Variants in PLCL2 observed in about 807,000 individuals in gnomAD.
The protein encoded by PLCL2 is inactive phospholipase C-like protein 2.
In PLCL2, 4 loss-of-function variants were observed where a neutral mutation model predicts 79.6. The observed-to-expected ratio is 0.05, with a 90% CI of 0.02 to 0.11. The LOEUF is 0.11. Ranked by LOEUF, PLCL2 falls within the 10% of genes least tolerant of loss-of-function variation. The pLI is 1.00. For synonymous variants in PLCL2, 484 were observed against 457.7 expected (o/e 1.06, Z -0.73); for missense variants, 895 against 1,291.0 (o/e 0.69, Z 4.70).
intron 5 of PLCL2, among the ~76,000 whole-genome samples, chr3:17,070,765 G>A (rs910256454): frequency 1.3e-5 from 2 of 152,166 alleles, no homozygotes; most frequent in African/African-American, 2.4e-5. Flanking sequence ...TTTGCAGTGA[G>A]CTAGGAGAGG....
At chr3:16,912,481 T>C (rs574773766) in intron 1 of PLCL2, among the ~76,000 whole-genome samples, 40 of 152,362 alleles carry the variant, frequency 2.6e-4, no homozygotes, top group African/African-American at 9.4e-4. Flanking sequence ...ATGTGTATAG[T>C]GGTTTTACTT....
Position 17,089,842 on chromosome 3 carries a change from CT to C in PLCL2, c.3315del (p.Asp1106MetfsTer34). 6.2e-7 allele frequency: 1 copy of C among 1,614,026 alleles called. No homozygotes were observed. The highest frequency in any genetic ancestry group is 8.5e-7 in the Non-Finnish European group (1 of 1,179,922). On this transcript the variant is annotated frameshift_variant, in exon 6 of 6. Transcript: ENST00000615277. LOFTEE classifies it high-confidence loss of function. The part of the protein sequence containing the change: ...CGLNKPGTEN[A>X]DVQKPRRSLE... ...CTGAATAAACCAGGCACCGAAAATG[CT>C]GATGTCCAGAAGCCACGCCGGAGCT...
At chr3:17,014,375 A>G (rs1004446518) in intron 2 of PLCL2, among the ~76,000 whole-genome samples, 2 of 152,200 alleles carry the variant, frequency 1.3e-5, no homozygotes, top group Non-Finnish European at 2.9e-5. Flanking sequence ...TGAATGCAGA[A>G]GCTATTCGCT....
At chr3:16,981,935 T>A (rs2064002910) in intron 1 of PLCL2, among the ~76,000 whole-genome samples, 1 of 152,248 alleles carries the variant, frequency 6.6e-6, no homozygotes. Flanking sequence ...AGATGTTCTA[T>A]TTCCTTCATC....
At chr3:17,041,158 C>T (rs1252443651) in intron 3 of PLCL2, among the ~76,000 whole-genome samples, 1 of 152,178 alleles carries the variant, frequency 6.6e-6, no homozygotes, top group African/African-American at 2.4e-5. Context: ...CTTAACGATT[C>T]ATTTTTATTG....
chr3:17,077,892 G>A (rs1222161511), intron 5 of PLCL2, among the ~76,000 whole-genome samples: 1 of 152,196 alleles, frequency 6.6e-6, no homozygotes, highest in East Asian at 1.9e-4. Context: ...CCTCTCTGTG[G>A]AACAGGGGTC....
chr3:16,910,048 G>A (rs1696841851), intron 1 of PLCL2, among the ~76,000 whole-genome samples: 1 of 152,080 alleles, frequency 6.6e-6, no homozygotes, highest in Admixed American at 6.6e-5. Context: ...TCCCTCCTCA[G>A]CTAATTCATA....
chr3:17,042,027 A>C (rs1403705386), intron 3 of PLCL2, among the ~76,000 whole-genome samples: 2 of 152,220 alleles, frequency 1.3e-5, no homozygotes, highest in African/African-American at 2.4e-5. Flanking sequence ...GGTCATGTAA[A>C]ATAGATGAGT....
At chr3:16,900,871 C>T (rs1437297107) in intron 1 of PLCL2, among the ~76,000 whole-genome samples, 3 of 152,162 alleles carry the variant, frequency 2.0e-5, no homozygotes, top group African/African-American at 7.2e-5. Context: ...ACATTTTATA[C>T]GTGTAAATTG....
At position 17,011,178 on chromosome 3, in the gene PLCL2, G is replaced by T. The variant is rs750079488; in HGVS notation, c.1832G>T (p.Arg611Leu). The T allele has an allele frequency of 9.3e-6, 15 of 1,614,056 alleles. No individual in the cohort carries two copies. The highest frequency in any genetic ancestry group is 1.3e-5 in the Non-Finnish European group (15 of 1,180,042). The stretch of plus-strand genomic sequence containing the variant: ...CAACCCAATAATGTGCCTGTGAAGC[G>T]ATTTCAGCTTTGTAAAGAACTGTCT... ...MEQPNNVPVK[R>L]FQLCKELSEL... is the part of the protein sequence containing the mutation. Residue 611 changes from arginine to leucine, a missense_variant, in exon 2 of 6, where the codon CGA (arginine) becomes CTA (leucine). Arg to Leu is a moderately radical substitution (Grantham distance 102). This residue lies in a region of PLCL2 where 242 missense variants were observed against 399.5 expected (regional missense o/e 0.61). Coordinates refer to ENST00000615277, the MANE Select transcript of PLCL2 (RefSeq NM_001144382.2). This position sits in a 1 kb window ranked among gnomAD's most constrained non-coding sequence, Gnocchi z 7.9.
chr3:17,013,266 G>A (rs1171140091), intron 2 of PLCL2, among the ~76,000 whole-genome samples: 2 of 152,202 alleles, frequency 1.3e-5, no homozygotes, highest in Non-Finnish European at 2.9e-5. Context: ...CTTTTCCAAA[G>A]CCTCATCTGC....
At chr3:17,072,735 T>A (rs1420554492) in intron 5 of PLCL2, among the ~76,000 whole-genome samples, 1 of 152,112 alleles carries the variant, frequency 6.6e-6, no homozygotes, top group Non-Finnish European at 1.5e-5. Context: ...ATATTGTTAT[T>A]TTTTTATTGT....
At chr3:16,973,723 T>C (rs1056901169) in intron 1 of PLCL2, among the ~76,000 whole-genome samples, 1 of 152,222 alleles carries the variant, frequency 6.6e-6, no homozygotes, top group South Asian at 2.1e-4. Flanking sequence ...TACTTTCATA[T>C]ACTCATTCAT....
In PLCL2 at chr3:16,955,452, C is replaced by T. The variant is rs1010411096; in HGVS notation, c.328-54222C>T. On this transcript the variant is annotated intron_variant, in intron 1 of 5. Coordinates refer to ENST00000615277, the MANE Select transcript of PLCL2 (RefSeq NM_001144382.2). ...GTAGCCTTATAGTATAGTTTGAAGT[C>T]AGGTAGCGTGATGCCTCCAGCTTTG... Among the ~76,000 whole-genome samples the T allele has an allele frequency of 5.9e-5, 9 of 152,266 alleles. 1 individual carries two copies. The highest frequency in any genetic ancestry group is 6.5e-5 in the Admixed American group (1 of 15,298).
chr3:17,065,798 G>A (rs898021215), intron 4 of PLCL2, among the ~76,000 whole-genome samples: 1 of 152,066 alleles, frequency 6.6e-6, no homozygotes. Flanking sequence ...TGTTCATCTT[G>A]CAGTCCATGG....
chr3:17,034,406 T>C (rs529859105), intron 3 of PLCL2, among the ~76,000 whole-genome samples: 2 of 152,298 alleles, frequency 1.3e-5, no homozygotes, highest in East Asian at 3.9e-4. Context: ...TATAAGTTAT[T>C]GGGAAATAAA....
chr3:16,965,037 G>T (rs34631839), intron 1 of PLCL2, among the ~76,000 whole-genome samples: 24,160 of 149,588 alleles, frequency 0.16, 2,478 homozygotes, highest in East Asian at 0.52. Context: ...AGATCCCATT[G>T]GTCAATTTTG....
chr3:16,926,654 CAG>C (rs1697259311), intron 1 of PLCL2, among the ~76,000 whole-genome samples: 1 of 149,778 alleles, frequency 6.7e-6, no homozygotes, highest in Admixed American at 6.6e-5. Context: ...TTTTTTGAGA[CAG>C]AGTCTCCCTC....
chr3:17,039,075 A>G (rs2124917069), intron 3 of PLCL2, among the ~76,000 whole-genome samples: 2 of 152,372 alleles, frequency 1.3e-5, no homozygotes, highest in South Asian at 4.1e-4. Context: ...TAAATAAAAT[A>G]GAAAGCACCA....
Sources: allele counts gnomAD v4.1 joint callset (sites outside exome capture counted in the v4.1 genomes callset), GRCh38; gene constraint gnomAD v4.1.1; regional missense constraint gnomAD v4.1.1; non-coding constraint Gnocchi (gnomAD v3.1); transcripts MANE v1.5; gene names NCBI Gene and HGNC (gene_info 2026-07-23, HGNC 2026-07-21).